TMC1: variants seen among roughly 807,000 people sequenced by gnomAD.
The protein encoded by TMC1 is transmembrane channel-like protein 1.
Under a neutral mutation model 105.8 loss-of-function variants are expected in TMC1, and 84 were observed. That is an observed-to-expected ratio of 0.79 (90% CI 0.67 to 0.95). The LOEUF (loss-of-function observed/expected upper bound fraction) is 0.95. Among genes scored for constraint, TMC1 ranks in the 40% least tolerant of loss-of-function variants. The pLI, the probability that TMC1 is intolerant of heterozygous loss-of-function variation, is 0.00. For synonymous variants in TMC1, 315 were observed against 311.5 expected, an observed-to-expected ratio of 1.01 and a Z score of -0.12; for missense variants, 817 against 914.1, an observed-to-expected ratio of 0.89 and a Z score of 1.37.
intron 3 of TMC1, among the ~76,000 whole-genome samples, chr9:72,624,136 T>C (rs184189722): frequency 4.9e-4 from 74 of 152,312 alleles, no homozygotes; most frequent in Middle Eastern, 3.4e-3. Flanking sequence ...GGCTGACAGG[T>C]TGGAAATTTA....
At chr9:72,524,589 T>C (rs936484800) in intron 1 of TMC1, among the ~76,000 whole-genome samples, 5 of 152,230 alleles carry the variant, frequency 3.3e-5, no homozygotes, top group African/African-American at 1.2e-4. Context: ...TGTTATATCT[T>C]ATCCTTGACC....
intron 17 of TMC1, among the ~76,000 whole-genome samples, chr9:72,793,729 C>T (rs1189655971): frequency 2.0e-5 from 3 of 152,168 alleles, no homozygotes; most frequent in Non-Finnish European, 4.4e-5. Flanking sequence ...TCTGAGGTGA[C>T]CAGGGACGGA....
intron 8 of TMC1, among the ~76,000 whole-genome samples, chr9:72,726,101 A>G (rs1195892169): frequency 1.3e-5 from 2 of 152,164 alleles, no homozygotes; most frequent in African/African-American, 4.8e-5. Flanking sequence ...CAAATATCAT[A>G]ACAAATCGTG....
intron 12 of TMC1, among the ~76,000 whole-genome samples, chr9:72,762,741 A>G (rs992236882): frequency 5.3e-5 from 8 of 152,118 alleles, no homozygotes; most frequent in Non-Finnish European, 1.0e-4. Context: ...GATTCCTCCA[A>G]TGGCTTTGCT....
At position 72,683,733 on chromosome 9, in the gene TMC1, T is replaced by TTATATATATATATATATA. The variant is rs58007608; in HGVS notation, c.17-4952_17-4935dup. On this transcript the variant is annotated intron_variant, in intron 5 of 23. Transcript: ENST00000297784. The stretch of plus-strand genomic sequence containing the variant: ...TCTGAGTTAACCTGAGTTACACATT[T>TTATATATATATATATATA]TATATATATATATATATATATATAT... Among the ~76,000 whole-genome samples, 107 of 53,318 alleles carry TTATATATATATATATATA rather than the reference T, an allele frequency of 2.0e-3. 3 individuals are homozygous for TTATATATATATATATATA. The highest frequency in any genetic ancestry group is 3.9e-3 in the Admixed American group (13 of 3,306). The allele number at this position is 53,318 out of a possible 152,430, so 35.0% of individuals were successfully genotyped here.
At chr9:72,656,494 TA>T (rs1825886920) in intron 5 of TMC1, among the ~76,000 whole-genome samples, 1 of 152,238 alleles carries the variant, frequency 6.6e-6, no homozygotes, top group East Asian at 1.9e-4. Context: ...AAACGTTTTT[TA>T]ATCTTTCTCA....
At chr9:72,561,278 A>T (rs1824044387) in intron 1 of TMC1, among the ~76,000 whole-genome samples, 1 of 139,520 alleles carries the variant, frequency 7.2e-6, no homozygotes, top group Non-Finnish European at 1.5e-5. Context: ...AGATCGTGCC[A>T]CTGCACTCCA....
intron 8 of TMC1, among the ~76,000 whole-genome samples, chr9:72,704,480 G>A (rs1242587739): frequency 1.3e-5 from 2 of 152,110 alleles, no homozygotes; most frequent in Non-Finnish European, 1.5e-5. Context: ...TTAGGAACCC[G>A]AGCACACTCA....
chr9:72,830,757 T>C, intron 23 of TMC1, 75 bp downstream of exon 23: 1 of 1,201,970 alleles, frequency 8.3e-7, no homozygotes, highest in Middle Eastern at 2.7e-4. Context: ...TTTTTTTTGC[T>C]TTTTCTCCAT....
chr9:72,805,130 G>C (rs545764187), intron 17 of TMC1: 28 of 363,454 alleles, frequency 7.7e-5, no homozygotes, highest in African/African-American at 5.8e-4. Context: ...TTTGGCTCTC[G>C]TATCATGTTT....
chr9:72,740,340 C>G, intron 9 of TMC1, 131 bp downstream of exon 9: 5 of 720,070 alleles, frequency 6.9e-6, no homozygotes, highest in Non-Finnish European at 9.5e-6. Flanking sequence ...AGTATATACA[C>G]AGTATATCTG....
intron 23 of TMC1, among the ~76,000 whole-genome samples, chr9:72,831,956 G>A (rs947703928): frequency 1.3e-5 from 2 of 151,482 alleles, no homozygotes; most frequent in African/African-American, 4.8e-5. Context: ...TATACCCAAA[G>A]GATTTTTTTT....
At chr9:72,590,622 G>A (rs1011811424) in intron 2 of TMC1, among the ~76,000 whole-genome samples, 4 of 152,120 alleles carry the variant, frequency 2.6e-5, no homozygotes, top group Admixed American at 6.5e-5. Flanking sequence ...ACACATATTC[G>A]TTGGGTGCCT....
intron 19 of TMC1, among the ~76,000 whole-genome samples, chr9:72,818,012 A>G (rs1024540928): frequency 1.3e-5 from 2 of 152,150 alleles, no homozygotes; most frequent in Non-Finnish European, 2.9e-5. Context: ...TGGCACAAAT[A>G]TTCTTTTCCT....
In TMC1 at chr9:72,553,615, A is replaced by AT. The variant is rs1193992086; in HGVS notation, c.-427-24278dup. On this transcript the variant is annotated intron_variant, in intron 1 of 23. Coordinates refer to ENST00000297784, the MANE Select transcript of TMC1 (RefSeq NM_138691.3). Reference sequence around the variant, plus strand: ...TCAGAGTTTGCCTGTACTTTTGCTGATTTTTTTTTCTCCTAGCTTGGACAT... The same window carrying AT: ...TCAGAGTTTGCCTGTACTTTTGCTGATTTTTTTTTTCTCCTAGCTTGGACAT... Among the ~76,000 whole-genome samples, 6 of 151,714 alleles carry AT rather than the reference A, an allele frequency of 4.0e-5. No homozygotes were observed. In the East Asian group the frequency reaches 5.8e-4, roughly 15 times the overall value.
At position 72,539,360 on chromosome 9, in the gene TMC1, C is replaced by T. The variant is rs577921965; in HGVS notation, c.-428+17447C>T. 2.6e-5 allele frequency among the ~76,000 whole-genome samples: 4 copies of T among 152,198 alleles called. 1 individual carries two copies. Among genetic ancestry groups the T allele is most frequent in the South Asian group, 4.2e-4 (2 of 4,816 alleles). ...GATGGAGGTTTCAATGATCCTAGATCGTGCCACTGCATTCCAGCCTGAGTG... is the reference window on the plus strand; with the variant it reads ...GATGGAGGTTTCAATGATCCTAGATTGTGCCACTGCATTCCAGCCTGAGTG... On this transcript the variant is annotated intron_variant, in intron 1 of 23. Transcript: ENST00000297784.
At position 72,667,260 on chromosome 9, in the gene TMC1, A is replaced by G. The variant is rs1826058141; in HGVS notation, c.16+18596A>G. 2.0e-5 allele frequency among the ~76,000 whole-genome samples: 3 copies of G among 152,088 alleles called. No homozygotes were observed. In the South Asian group the frequency reaches 6.2e-4, roughly 32 times the overall value. On this transcript the variant is annotated intron_variant, in intron 5 of 23. Coordinates refer to ENST00000297784, the MANE Select transcript of TMC1 (RefSeq NM_138691.3). ...GAGTGGCAAAGGAAATTCCAGGTTG[A>G]CTTTCGGGTTCAGTGAATTTTCTAC...
chr9:72,717,232 T>G (rs575426279), intron 8 of TMC1, among the ~76,000 whole-genome samples: 17 of 152,334 alleles, frequency 1.1e-4, no homozygotes, highest in Middle Eastern at 3.4e-3. Context: ...ATCGGTGAAT[T>G]GTTATGTATT....
chr9:72,665,401 A>G (rs111651423), intron 5 of TMC1, among the ~76,000 whole-genome samples: 2 of 152,296 alleles, frequency 1.3e-5, no homozygotes, highest in African/African-American at 4.8e-5. Context: ...CTCTGGCACT[A>G]TTTTCCTCCA....
Sources: allele counts gnomAD v4.1 joint callset (sites outside exome capture counted in the v4.1 genomes callset), GRCh38; gene constraint gnomAD v4.1.1; transcripts MANE v1.5; gene names NCBI Gene and HGNC (gene_info 2026-07-23, HGNC 2026-07-21).